MASP2: variants seen among roughly 807,000 people sequenced by gnomAD.
The protein encoded by MASP2 is MBL associated serine protease 2, also known as mannan-binding lectin serine protease 2.
MASP2 carries 49 observed loss-of-function variants against 57.1 expected under a neutral mutation model. The observed-to-expected ratio is 0.86, with a 90% CI of 0.68 to 1.09. MASP2 has a LOEUF of 1.09. Ranked by LOEUF, MASP2 falls within the 50% of genes least tolerant of loss-of-function variation. MASP2 has a pLI of 0.00. For missense variants in MASP2, 900 were observed against 874.8 expected (o/e 1.03, Z -0.36); for synonymous variants, 379 against 340.8 (o/e 1.11, Z -1.24).
intron 6 of MASP2, among the ~76,000 whole-genome samples, chr1:11,038,412 C>CT: frequency 6.6e-6 from 1 of 152,290 alleles, no homozygotes; most frequent in Admixed American, 6.5e-5. Context: ...GAAAAACCGG[C>CT]TGACAGACTT....
intron 6 of MASP2, among the ~76,000 whole-genome samples, chr1:11,039,851 G>A (rs532406763): frequency 1.3e-3 from 188 of 148,114 alleles, no homozygotes; most frequent in African/African-American, 4.5e-3. Context: ...TGGGTGGGTA[G>A]GTAGGTGGAT....
chr1:11,039,585 A>AGGAT lies in MASP2; in HGVS notation c.890-1778_890-1775dup, dbSNP rs533215407. Among the ~76,000 whole-genome samples, 529 of 145,844 alleles carry AGGAT rather than the reference A, an allele frequency of 3.6e-3. 1 individual carries two copies. Among genetic ancestry groups the AGGAT allele is most frequent in the Non-Finnish European group, 6.2e-3 (409 of 66,266 alleles). ...GTGGATGGATAGATGGATGGCTGGA[A>AGGAT]GGATGGATGGATGATGGATGGATGG... On this transcript the variant is annotated intron_variant, in intron 6 of 10. Transcript: ENST00000400897.
Position 11,026,662 on chromosome 1 carries a change from G to C in MASP2, c.*223C>G, listed in dbSNP as rs1193004486. 3 of 377,276 alleles carry C rather than the reference G, an allele frequency of 8.0e-6. No individual in the cohort carries two copies. Among genetic ancestry groups the C allele is most frequent in the African/African-American group, 6.2e-5 (3 of 48,050 alleles). The allele number at this position is 377,276 out of a possible 1,614,324, so 23.4% of individuals were successfully genotyped here. ...GACATTACACTGGGTGGGCAAAGAT[G>C]ACTGTCACTCTCGTGGTTTATGTCC... On this transcript the variant is annotated 3_prime_UTR_variant, in exon 11 of 11. Transcript: ENST00000400897.
chr1:11,045,608 C>G, intron 3 of MASP2, 69 bp from the exon 4 acceptor site: 1 of 1,505,768 alleles, frequency 6.6e-7, no homozygotes, highest in South Asian at 1.3e-5. Flanking sequence ...GGACTCCTCC[C>G]AGGAGATCCA....
chr1:11,046,848 C>A (rs770173603), intron 2 of MASP2, 43 bp downstream of exon 2: 12 of 1,549,886 alleles, frequency 7.7e-6, no homozygotes, highest in Non-Finnish European at 9.6e-6. Context: ...CCTTGGGGAC[C>A]CCCCGACCCT....
rs1186246360 is a variant in MASP2, at chr1:11,031,540, A to AAAAAAAG, written c.1088-665_1088-659dup. Among the ~76,000 whole-genome samples the AAAAAAAG allele has an allele frequency of 2.0e-5, 3 of 150,312 alleles. 1 individual carries two copies. Among genetic ancestry groups the AAAAAAAG allele is most frequent in the African/African-American group, 7.3e-5 (3 of 40,890 alleles). On this transcript the variant is annotated intron_variant, in intron 8 of 10. Coordinates refer to ENST00000400897, the MANE Select transcript of MASP2 (RefSeq NM_006610.4). ...CAAGACTCTGTCTTAAAAAAAAAAA[A>AAAAAAAG]AAAAAAGGCTGCAGCGGAACAGCAC...
chr1:11,036,397 G>T (rs1210170191), intron 7 of MASP2, among the ~76,000 whole-genome samples: 2 of 149,640 alleles, frequency 1.3e-5, no homozygotes, highest in Non-Finnish European at 3.0e-5. Context: ...CCAGCTACTC[G>T]GGAGGCTGAG....
intron 6 of MASP2, among the ~76,000 whole-genome samples, chr1:11,042,149 T>C (rs1638474137): frequency 6.7e-6 from 1 of 149,912 alleles, no homozygotes; most frequent in Non-Finnish European, 1.5e-5. Context: ...CATGGATACA[T>C]GGATGGAAGG....
chr1:11,042,766 C>T, intron 6 of MASP2, 109 bp downstream of exon 6: 2 of 1,282,350 alleles, frequency 1.6e-6, no homozygotes, highest in Non-Finnish European at 2.2e-6. Flanking sequence ...ACCTGGTGTC[C>T]CTTCCTAGTC....
intron 7 of MASP2, among the ~76,000 whole-genome samples, chr1:11,035,949 C>G (rs1350777593): frequency 2.0e-5 from 3 of 148,368 alleles, no homozygotes; most frequent in African/African-American, 7.5e-5. Context: ...TTTGAGAAAG[C>G]AGGTGTGATC....
chr1:11,027,614 A>G lies in MASP2; in HGVS notation c.1332T>C (p.Arg444=). ...CGLSARTTGG[R]IYGGQKAKPG... ...GTTTTGCCTTTTGCCCTCCATATATACGCCCTCCTGTTGTGCGGGCTGATA... is the reference window on the plus strand; with the variant it reads ...GTTTTGCCTTTTGCCCTCCATATATGCGCCCTCCTGTTGTGCGGGCTGATA... The change falls in exon 11 of 11, where the codon CGT becomes CGC. Residue 444 remains arginine, a synonymous_variant. Coordinates refer to ENST00000400897, the MANE Select transcript of MASP2 (RefSeq NM_006610.4). The G allele has an allele frequency of 1.2e-6, 2 of 1,613,896 alleles. No individual in the cohort carries two copies. Among genetic ancestry groups the G allele is most frequent in the Non-Finnish European group, 1.7e-6 (2 of 1,179,832 alleles).
chr1:11,045,566 C>T (rs1402556397), intron 3 of MASP2, 27 bp from the exon 4 acceptor site: 1 of 1,589,676 alleles, frequency 6.3e-7, no homozygotes, highest in Non-Finnish European at 8.5e-7. Context: ...GCCAGGCAGG[C>T]CGTCAGGAGG....
intron 3 of MASP2, 45 bp downstream of exon 3, chr1:11,046,511 G>A (rs1323975338): frequency 1.2e-6 from 2 of 1,608,780 alleles, no homozygotes; most frequent in Admixed American, 3.3e-5. Flanking sequence ...TACCCCCACA[G>A]CCAGCTGCGC....
At chr1:11,039,429 G>T (rs566119690) in intron 6 of MASP2, among the ~76,000 whole-genome samples, 2 of 152,170 alleles carry the variant, frequency 1.3e-5, no homozygotes, top group South Asian at 4.2e-4. Context: ...TGTATGGATA[G>T]ATGGCTGGCT....
At chr1:11,034,779 G>A in intron 8 of MASP2, 49 bp downstream of exon 8, 1 of 1,232,970 alleles carries the variant, frequency 8.1e-7, no homozygotes, top group Non-Finnish European at 1.1e-6. Flanking sequence ...AGTAGCAGCA[G>A]AGGGAGTTCC....
At chr1:11,045,267 G>T in intron 4 of MASP2, 141 bp downstream of exon 4, 1 of 1,249,268 alleles carries the variant, frequency 8.0e-7, no homozygotes, top group Non-Finnish European at 1.2e-6. Flanking sequence ...GCTGAGAAGG[G>T]GAGCTGGAGG....
At chr1:11,036,535 A>C (rs866465582) in intron 7 of MASP2, among the ~76,000 whole-genome samples, 10 of 139,564 alleles carry the variant, frequency 7.2e-5, no homozygotes, top group South Asian at 4.5e-4. Context: ...AAAAAAAAAA[A>C]AACAAAAAAA....
Position 11,037,706 on chromosome 1 carries a change from TAG to T in MASP2, c.993_994del (p.Tyr332Ter). 1.2e-6 allele frequency: 2 copies of T among 1,609,762 alleles called. No individual in the cohort carries two copies. Among genetic ancestry groups the T allele is most frequent in the Non-Finnish European group, 1.7e-6 (2 of 1,178,084 alleles). On this transcript the variant is annotated frameshift_variant, in exon 7 of 11. Transcript: ENST00000400897. LOFTEE classifies it high-confidence loss of function. ...GTTTTAACTCACTTGCAGAAGCTCA[TAG>T]CCAGTCTCGCAAAAGATGGAGAAGC...
chr1:11,034,235 C>A (rs186594149), intron 8 of MASP2, among the ~76,000 whole-genome samples: 21 of 140,056 alleles, frequency 1.5e-4, no homozygotes, highest in African/African-American at 5.5e-4. Flanking sequence ...AGAATGAGAC[C>A]CTTCTCAGAA....
Sources: gnomAD v4.1 joint callset for allele counts (sites outside exome capture counted in the v4.1 genomes callset) on GRCh38, gnomAD v4.1.1 for gene constraint, MANE v1.5 for transcripts, NCBI Gene and HGNC (gene_info 2026-07-23, HGNC 2026-07-21) for gene names.